Variants in LIPJ observed in about 807,000 individuals in gnomAD.
The protein encoded by LIPJ is lipase family member J, also known as lipase member J.
LIPJ carries 33 observed loss-of-function variants against 39.8 expected under a neutral mutation model. The ratio of observed to expected loss-of-function variants is 0.83; its 90% CI spans 0.63 to 1.11. The LOEUF is 1.11. Ranked by LOEUF, LIPJ falls within the 50% of genes least tolerant of loss-of-function variation. The pLI, the probability that LIPJ is intolerant of heterozygous loss-of-function variation, is 0.00. For synonymous variants in LIPJ, 128 were observed against 139.2 expected, an observed-to-expected ratio of 0.92 and a Z score of 0.57; for missense variants, 422 against 427.9, an observed-to-expected ratio of 0.99 and a Z score of 0.12.
chr10:88,613,800 A>ATATATATATATATATATG, the LIPJ span, among the ~76,000 whole-genome samples: 75 of 74,138 alleles, frequency 1.0e-3, no homozygotes, highest in Non-Finnish European at 1.9e-3. Context: ...ATATATATAT[A>ATATATATATATATATATG]TGTGTGTGTG....
downstream of LIPJ, among the ~76,000 whole-genome samples, chr10:88,608,874 A>G (rs771162424): frequency 6.6e-6 from 1 of 152,230 alleles, no homozygotes; most frequent in African/African-American, 2.4e-5. Flanking sequence ...CTATGTCAGG[A>G]AACATCCTCT....
chr10:88,584,519 AC>A (rs1243577124), upstream of LIPJ: 1 of 152,256 alleles, frequency 6.6e-6, no homozygotes, highest in African/African-American at 2.4e-5. Context: ...AAAAAGAAAT[AC>A]GTAAGTCCAA....
chr10:88,606,837 C>G (rs1217456495), exon 11 of LIPJ: 18 of 1,608,666 alleles, frequency 1.1e-5, no homozygotes, highest in Non-Finnish European at 1.5e-5. Flanking sequence ...CATATAGACT[C>G]TTTGTTTGGA....
At chr10:88,592,846 C>A (rs7476392) in intron 4 of LIPJ, 43,667 of 151,636 alleles carry the variant, frequency 0.29, 6,601 homozygotes, top group East Asian at 0.53. Flanking sequence ...AGCTAGCCTG[C>A]CTGATGAGCA....
chr10:88,583,298 C>T (rs1850771954), upstream of LIPJ: 1 of 1,508,550 alleles, frequency 6.6e-7, no homozygotes, highest in African/African-American at 1.4e-5. Context: ...GTTCCGTGCT[C>T]CCTGGGCCGA....
intron 8 of LIPJ, among the ~76,000 whole-genome samples, chr10:88,599,688 T>TACAC (rs113053586): frequency 4.6e-5 from 7 of 150,862 alleles, no homozygotes; most frequent in Non-Finnish European, 8.9e-5. Flanking sequence ...CATACATATA[T>TACAC]ACACACACAC....
At chr10:88,609,314 A>C (rs1002760301), downstream of LIPJ, among the ~76,000 whole-genome samples, 3 of 152,198 alleles carry the variant, frequency 2.0e-5, no homozygotes, top group African/African-American at 4.8e-5. Flanking sequence ...TCTTTGGTAA[A>C]CCTTGGCACT....
exon 11 of LIPJ, chr10:88,606,765 T>C (rs781183218): frequency 1.2e-6 from 2 of 1,613,490 alleles, no homozygotes. Context: ...CCTGAAGACG[T>C]TAACATTTTA....
At chr10:88,606,611 T>G in intron 10 of LIPJ, 63 bp from the exon 11 acceptor site, 1 of 911,464 alleles carries the variant, frequency 1.1e-6, no homozygotes, top group Non-Finnish European at 1.7e-6. Flanking sequence ...TAACAATTAG[T>G]AATTAAAACC....
upstream of LIPJ, chr10:88,583,172 C>A: frequency 6.2e-7 from 1 of 1,613,952 alleles, no homozygotes; most frequent in South Asian, 1.1e-5. Flanking sequence ...CCGGCGCCCA[C>A]GATCAGCACC....
chr10:88,611,464 A>G (rs1197097805), downstream of LIPJ, among the ~76,000 whole-genome samples: 1 of 152,256 alleles, frequency 6.6e-6, no homozygotes, highest in African/African-American at 2.4e-5. Flanking sequence ...TATTAAGCTA[A>G]TTAAGGAGGA....
At chr10:88,589,600 T>A (rs1251103220) in intron 2 of LIPJ, among the ~76,000 whole-genome samples, 1 of 151,868 alleles carries the variant, frequency 6.6e-6, no homozygotes, top group Non-Finnish European at 1.5e-5. Flanking sequence ...CTTTCAGATT[T>A]ACATAATTTT....
At chr10:88,603,091 CAATAAAT>C (rs1851550342) in intron 9 of LIPJ, among the ~76,000 whole-genome samples, 1 of 151,442 alleles carries the variant, frequency 6.6e-6, no homozygotes, top group Non-Finnish European at 1.5e-5. Flanking sequence ...GACTCTGTCT[CAATAAAT>C]AAATAAAAAT....
chr10:88,609,009 T>C (rs1429249651), downstream of LIPJ, among the ~76,000 whole-genome samples: 1 of 152,118 alleles, frequency 6.6e-6, no homozygotes, highest in African/African-American at 2.4e-5. Context: ...TCCCAGAAAA[T>C]TATGTAACCA....
chr10:88,611,562 A>G (rs779338855), downstream of LIPJ, among the ~76,000 whole-genome samples: 2 of 152,240 alleles, frequency 1.3e-5, no homozygotes, highest in Non-Finnish European at 2.9e-5. Flanking sequence ...AGAGAGCATA[A>G]GCAAAAAACA....
At chr10:88,592,260 T>C (rs1006496992) in intron 4 of LIPJ, 24 of 151,924 alleles carry the variant, frequency 1.6e-4, no homozygotes, top group Admixed American at 6.6e-5. Context: ...TGCATATTTA[T>C]AAAGGTTATA....
exon 7 of LIPJ, chr10:88,596,289 C>A (rs1318956786): frequency 6.9e-7 from 1 of 1,442,798 alleles, no homozygotes; most frequent in South Asian, 1.5e-5. Flanking sequence ...GGTTTCATAA[C>A]ATTTTCTACT....
downstream of LIPJ, among the ~76,000 whole-genome samples, chr10:88,607,663 G>A (rs546379155): frequency 5.3e-5 from 8 of 152,116 alleles, no homozygotes; most frequent in South Asian, 2.1e-4. Flanking sequence ...AGTACTAGAA[G>A]ATGGAAAGAG....
At chr10:88,591,148 A>G (rs78342719) in intron 3 of LIPJ, among the ~76,000 whole-genome samples, 3,443 of 134,314 alleles carry the variant, frequency 0.026, 86 homozygotes, top group South Asian at 0.096. Context: ...TTGTTTGTTT[A>G]TTTATTTTAT....
Sources: allele counts gnomAD v4.1 joint callset (sites outside exome capture counted in the v4.1 genomes callset), GRCh38; gene constraint gnomAD v4.1.1; transcripts MANE v1.5; gene names NCBI Gene and HGNC (gene_info 2026-07-23, HGNC 2026-07-21).